The following CPXM2 variants were observed in gnomAD, a reference collection of about 807,000 sequenced individuals.
CPXM2 encodes carboxypeptidase X, M14 family member 2.
In CPXM2, 66 loss-of-function variants were observed where a neutral mutation model predicts 86.1. The ratio of observed to expected loss-of-function variants is 0.77; its 90% CI spans 0.63 to 0.94. The LOEUF (loss-of-function observed/expected upper bound fraction) is 0.94. CPXM2 is among the 40% of genes least tolerant of loss of function. CPXM2 has a pLI of 0.00. For missense variants in CPXM2, 948 were observed against 1,026.3 expected (o/e 0.92, Z 1.04); for synonymous variants, 388 against 400.2 (o/e 0.97, Z 0.36).
At chr10:123,797,881 C>T (rs537064932) in intron 6 of CPXM2, 95 bp downstream of exon 6, 4 of 1,254,118 alleles carry the variant, frequency 3.2e-6, no homozygotes, top group African/African-American at 1.5e-5. Flanking sequence ...AGCTACTGTG[C>T]CTGGTCTGCT....
rs143209385 is a variant in CPXM2, at chr10:123,804,889, A to G, written c.654-5690T>C. Among the ~76,000 whole-genome samples, 10 of 152,140 alleles carry G rather than the reference A, an allele frequency of 6.6e-5. No homozygotes were observed. The East Asian group carries it at 1.8e-3, about 27-fold the overall frequency. On this transcript the variant is annotated intron_variant, in intron 4 of 13. Transcript: ENST00000241305. ...CAAGTATGAGTTCATTCTTTTTCAC[A>G]TAACAACAGAGTCTGGATGTTTGAT...
intron 3 of CPXM2, among the ~76,000 whole-genome samples, chr10:123,854,131 C>T (rs1454972225): frequency 6.6e-6 from 1 of 151,164 alleles, no homozygotes; most frequent in East Asian, 2.0e-4. Context: ...CCTGGGGAAC[C>T]ATCCCCATGA....
chr10:123,906,900 C>T (rs1945447448), intron 2 of CPXM2, among the ~76,000 whole-genome samples: 1 of 152,196 alleles, frequency 6.6e-6, no homozygotes, highest in African/African-American at 2.4e-5. Context: ...GGATGTCTGG[C>T]TGCCTCCCTT....
At chr10:123,906,794 A>G (rs1945446255) in intron 2 of CPXM2, among the ~76,000 whole-genome samples, 1 of 152,288 alleles carries the variant, frequency 6.6e-6, no homozygotes, top group South Asian at 2.1e-4. Flanking sequence ...TTTAGGAGAG[A>G]AAGCAGAGTC....
intron 3 of CPXM2, among the ~76,000 whole-genome samples, chr10:123,861,961 A>T (rs950578944): frequency 1.3e-5 from 2 of 152,218 alleles, no homozygotes; most frequent in East Asian, 3.8e-4. Flanking sequence ...TGCTACAGAA[A>T]GGGCCTGGAG....
At chr10:123,892,883 A>G (rs1590108228), upstream of CPXM2, among the ~76,000 whole-genome samples, 1 of 152,140 alleles carries the variant, frequency 6.6e-6, no homozygotes, top group Non-Finnish European at 1.5e-5. Context: ...AGGCTCCTCC[A>G]GGCCTCTCCC....
At chr10:123,750,120 A>T (rs747851163) in intron 13 of CPXM2, 11 of 984,780 alleles carry the variant, frequency 1.1e-5, no homozygotes, top group Non-Finnish European at 1.3e-5. Context: ...TGCCAGTTCT[A>T]GAGTTTATTT....
chr10:123,860,020 G>A (rs1265207341), intron 3 of CPXM2, among the ~76,000 whole-genome samples: 1 of 152,160 alleles, frequency 6.6e-6, no homozygotes, highest in Admixed American at 6.5e-5. Context: ...CATGTTGCAG[G>A]TGCTATTCTG....
rs568198757 is a variant in CPXM2, at chr10:123,787,422, G to A, written c.890-7167C>T. 1.6e-4 allele frequency among the ~76,000 whole-genome samples: 24 copies of A among 151,910 alleles called. 1 individual carries two copies. The South Asian group carries it at 5.0e-3, about 32-fold the overall frequency. ...TTCTTTGAGATGAAGTTTTGCTCTT[G>A]TCACCCAGCCTGGAGTGTAGCTCAC... is the stretch of plus-strand genomic sequence containing the variant. On this transcript the variant is annotated intron_variant, in intron 6 of 13. Transcript: ENST00000241305.
rs577893058 is a variant in CPXM2, at chr10:123,764,828, A to G, written c.1479+2145T>C. ...AATTAATTTATTTATTTATTTGCTA[A>G]CTTCTTAAGTTAGTTAACTCTCAGC... On this transcript the variant is annotated intron_variant, in intron 10 of 13. Transcript: ENST00000241305. Among the ~76,000 whole-genome samples the G allele has an allele frequency of 3.3e-5, 5 of 152,100 alleles. No homozygotes were observed. The South Asian group carries it at 1.0e-3, about 32-fold the overall frequency.
At chr10:123,832,919 C>T (rs61863833) in intron 4 of CPXM2, among the ~76,000 whole-genome samples, 56,304 of 151,412 alleles carry the variant, frequency 0.37, 13,008 homozygotes, top group African/African-American at 0.66. Context: ...AGCACCTGAG[C>T]GTCTTTTGCT....
At chr10:123,937,273 C>T (rs565021226) in intron 2 of CPXM2, among the ~76,000 whole-genome samples, 1 of 152,130 alleles carries the variant, frequency 6.6e-6, no homozygotes, top group Non-Finnish European at 1.5e-5. Context: ...TTACAATTCC[C>T]CTTGAAGCTT....
intron 8 of CPXM2, among the ~76,000 whole-genome samples, 173 bp from the exon 9 acceptor site, chr10:123,768,895 CCAGA>C (rs996169764): frequency 3.3e-5 from 5 of 152,146 alleles, no homozygotes; most frequent in South Asian, 2.1e-4. Context: ...TGTCTTATTC[CCAGA>C]CAGTCAGGTA....
intron 2 of CPXM2, among the ~76,000 whole-genome samples, chr10:123,868,089 A>G (rs1287356030): frequency 6.6e-6 from 1 of 152,214 alleles, no homozygotes; most frequent in Admixed American, 6.5e-5. Flanking sequence ...TGCAGTTCCT[A>G]GGCCTTCAGA....
At chr10:123,818,235 T>A (rs1000074759) in intron 4 of CPXM2, among the ~76,000 whole-genome samples, 14 of 152,314 alleles carry the variant, frequency 9.2e-5, no homozygotes, top group African/African-American at 3.4e-4. Context: ...CAGCCACCCC[T>A]GTAATCGCCC....
At chr10:123,937,371 G>T (rs1945729928) in intron 2 of CPXM2, among the ~76,000 whole-genome samples, 1 of 145,274 alleles carries the variant, frequency 6.9e-6, no homozygotes, top group Admixed American at 6.8e-5. Flanking sequence ...TGAAAAATCT[G>T]CCTGACACTC....
Position 123,901,471 on chromosome 10 carries a change from GTGTT to G in CPXM2, n.175-21166_175-21163del, listed in dbSNP as rs1310779383. ...TGTGTGTGTGTGTGTGTGTGTGTGT[GTGTT>G]TTCCCCTATGCAAATGAAGGCAAGT... On this transcript the variant is annotated intron_variant and non_coding_transcript_variant, in intron 2 of 19. Coordinates refer to the CPXM2 transcript ENST00000368854. Among the ~76,000 whole-genome samples, 4 of 147,302 alleles carry G rather than the reference GTGTT, an allele frequency of 2.7e-5. No individual in the cohort carries two copies. The East Asian group carries it at 8.1e-4, about 30-fold the overall frequency.
intron 4 of CPXM2, among the ~76,000 whole-genome samples, chr10:123,821,814 T>C (rs1286561029): frequency 6.6e-6 from 1 of 152,218 alleles, no homozygotes. Context: ...TGTCCCATTG[T>C]GCCAATTGTG....
intron 3 of CPXM2, among the ~76,000 whole-genome samples, chr10:123,850,607 A>C (rs1214772374): frequency 6.6e-6 from 1 of 152,198 alleles, no homozygotes; most frequent in Non-Finnish European, 1.5e-5. Context: ...GCTTGTGTTG[A>C]AGTAATCTTT....
Sources: gnomAD v4.1 joint callset for allele counts (sites outside exome capture counted in the v4.1 genomes callset) on GRCh38, gnomAD v4.1.1 for gene constraint, MANE v1.5 for transcripts, NCBI Gene and HGNC (gene_info 2026-07-23, HGNC 2026-07-21) for gene names.